Variants in TTLL8 observed in about 807,000 individuals in gnomAD.
The protein encoded by TTLL8 is protein monoglycylase TTLL8.
A neutral mutation model predicts 77.8 loss-of-function variants in TTLL8; 65 were observed. The ratio of observed to expected loss-of-function variants is 0.84; its 90% CI spans 0.68 to 1.03. The LOEUF is 1.03. Ranked by LOEUF, TTLL8 falls within the 50% of genes least tolerant of loss-of-function variation. The pLI, the probability that TTLL8 is intolerant of heterozygous loss-of-function variation, is 0.00. For synonymous variants in TTLL8, 402 were observed against 422.8 expected (o/e 0.95, Z 0.60); for missense variants, 910 against 1,004.5 (o/e 0.91, Z 1.27).
At chr22:50,037,764 T>C (rs2061346515) in intron 8 of TTLL8, among the ~76,000 whole-genome samples, 1 of 152,228 alleles carries the variant, frequency 6.6e-6, no homozygotes, top group Admixed American at 6.5e-5. Flanking sequence ...TTAACTATTG[T>C]AAACCTAGAG....
chr22:50,045,617 TG>T (rs1438388958), intron 5 of TTLL8, among the ~76,000 whole-genome samples: 1 of 152,152 alleles, frequency 6.6e-6, no homozygotes, highest in Non-Finnish European at 1.5e-5. Context: ...GAGCCGGCCT[TG>T]CCCCAGCTGC....
At chr22:50,019,555 ATGT>A (rs2146619057) in intron 12 of TTLL8, among the ~76,000 whole-genome samples, 1 of 152,114 alleles carries the variant, frequency 6.6e-6, no homozygotes, top group South Asian at 2.1e-4. Context: ...GCCAGCTGCC[ATGT>A]TGTGAGGACA....
intron 2 of TTLL8, 109 bp from the exon 5 acceptor site, chr22:50,049,431 C>T (rs1217470559): frequency 8.1e-7 from 1 of 1,230,574 alleles, no homozygotes; most frequent in Middle Eastern, 3.0e-4. Context: ...TTCCAGAAAC[C>T]TGGCTCCAGA....
chr22:50,053,586 A>C (rs542005159), intron 1 of TTLL8, among the ~76,000 whole-genome samples: 2 of 152,230 alleles, frequency 1.3e-5, no homozygotes, highest in Non-Finnish European at 2.9e-5. Context: ...ATGTTTATAC[A>C]TTTAAAGGTT....
chr22:50,044,770 T>A lies in TTLL8; in HGVS notation c.643+485A>T, dbSNP rs1846441450. On this transcript the variant is annotated intron_variant, in intron 6 of 13. Coordinates refer to ENST00000266182, the Ensembl canonical transcript of TTLL8. The surrounding 1 kb of genome is among the most constrained non-coding windows in gnomAD (Gnocchi z 4.2). ...GTGAACCTAAAACTGCTCTAGAAAT[T>A]ACATTTTATTAAAACCAACAACCAC... Among the ~76,000 whole-genome samples the A allele has an allele frequency of 6.6e-6, 1 of 152,132 alleles. No individual in the cohort carries two copies. The highest frequency in any genetic ancestry group is 1.5e-5 in the Non-Finnish European group (1 of 68,028).
rs1355009989 is a variant in TTLL8 at position 50,050,089 on chromosome 22, G to A, written c.190+20C>T. ...AGACGCACACGCCCTGAGCTGAGAC[G>A]TGCGCCTCCGATACGCTACCATTGA... On this transcript the variant is annotated intron_variant, in intron 2 of 13. Transcript: ENST00000266182. 3 of 1,364,580 alleles carry A rather than the reference G, an allele frequency of 2.2e-6. No individual in the cohort carries two copies. The highest frequency in any genetic ancestry group is 1.9e-5 in the Admixed American group (1 of 52,336). The allele number at this position is 1,364,580 out of a possible 1,614,324, so 84.5% of individuals were successfully genotyped here. A position where few individuals can be genotyped will look rare whatever the true frequency, so the allele number is the denominator to read the frequency against.
intron 1 of TTLL8, among the ~76,000 whole-genome samples, chr22:50,051,808 C>T (rs537441339): frequency 3.9e-5 from 6 of 152,172 alleles, no homozygotes; most frequent in South Asian, 2.1e-4. Context: ...CGCTTTTTCA[C>T]GTTTGTTGGC....
chr22:50,034,486 T>C lies in TTLL8; in HGVS notation c.922-24A>G. The C allele has an allele frequency of 7.3e-7, 1 of 1,362,924 alleles. No individual in the cohort carries two copies. The highest frequency in any genetic ancestry group is 9.8e-7 in the Non-Finnish European group (1 of 1,020,402). 84.4% of individuals were successfully genotyped at this position (1,362,924 alleles called of 1,614,324 possible). ...CACTGCGAAAAGTAATTTCTTGAATTGGAGATGAAAGCATCGCCACTACAA... is the reference window on the plus strand; with the variant it reads ...CACTGCGAAAAGTAATTTCTTGAATCGGAGATGAAAGCATCGCCACTACAA... On this transcript the variant is annotated intron_variant, in intron 8 of 13. Transcript: ENST00000266182. The surrounding 1 kb of genome is among the most constrained non-coding windows in gnomAD (Gnocchi z 4.1).
chr22:50,047,172 G>A (rs758388120), exon 4 of TTLL8: 3 of 1,367,484 alleles, frequency 2.2e-6, no homozygotes, highest in South Asian at 2.3e-5. Flanking sequence ...GCTCACCTTG[G>A]TGGTGAAGGA....
chr22:50,022,364 T>A (rs931218484), intron 12 of TTLL8, among the ~76,000 whole-genome samples: 1 of 144,744 alleles, frequency 6.9e-6, no homozygotes, highest in Non-Finnish European at 1.5e-5. Flanking sequence ...CTCCATCTGA[T>A]GATGTGTACT....
At chr22:50,032,803 G>C (rs573405129) in intron 10 of TTLL8, among the ~76,000 whole-genome samples, 1 of 152,186 alleles carries the variant, frequency 6.6e-6, no homozygotes, top group African/African-American at 2.4e-5. Context: ...GGGGACCCGG[G>C]TGAGGTGGGG....
In TTLL8 at chr22:50,041,848, CA is replaced by C; in HGVS notation, c.644-42del. 1 of 1,327,726 alleles carries C rather than the reference CA, an allele frequency of 7.5e-7. No individual in the cohort carries two copies. Among genetic ancestry groups the C allele is most frequent in the Non-Finnish European group, 9.9e-7 (1 of 1,006,070 alleles). 82.2% of individuals were successfully genotyped at this position (1,327,726 alleles called of 1,614,324 possible). A position where few individuals can be genotyped will look rare whatever the true frequency, so the allele number is the denominator to read the frequency against. On this transcript the variant is annotated intron_variant, in intron 6 of 13. Transcript: ENST00000266182. The surrounding 1 kb of genome is among the most constrained non-coding windows in gnomAD (Gnocchi z 4.3). ...AGGCACATGCAGTGGGAACCTCACC[CA>C]GGGGCAGCCCTGCCCGCCTCGAGGG...
chr22:50,023,988 C>T (rs1168248552), intron 12 of TTLL8, among the ~76,000 whole-genome samples: 2 of 152,224 alleles, frequency 1.3e-5, no homozygotes, highest in Middle Eastern at 3.4e-3. Flanking sequence ...TCACTGCACT[C>T]CAGCCCGGGC....
chr22:50,031,876 T>C, exon 11 of TTLL8: 5 of 1,367,302 alleles, frequency 3.7e-6, no homozygotes, highest in Non-Finnish European at 4.9e-6. Context: ...CCCGTAGAGC[T>C]CAAAGCTGTT....
In TTLL8 at chr22:50,045,837, C is replaced by A; in HGVS notation, c.508+19G>T. ...TCTCTGCTGACAGCACTGGGGCCCT[C>A]TGCCGTCTCCTCACTTACCCAGGAA... On this transcript the variant is annotated intron_variant, in intron 5 of 13. Transcript: ENST00000266182. 1 of 1,323,202 alleles carries A rather than the reference C, an allele frequency of 7.6e-7. No individual in the cohort carries two copies. The highest frequency in any genetic ancestry group is 1.5e-5 in the African/African-American group (1 of 66,852). 82.0% of individuals were successfully genotyped at this position (1,323,202 alleles called of 1,614,324 possible). A position where few individuals can be genotyped will look rare whatever the true frequency, so the allele number is the denominator to read the frequency against.
chr22:50,019,369 C>T (rs2061182401), intron 12 of TTLL8, among the ~76,000 whole-genome samples: 1 of 152,170 alleles, frequency 6.6e-6, no homozygotes, highest in South Asian at 2.1e-4. Context: ...TCCAAGGCAG[C>T]CCCCAGTGAT....
Position 50,041,809 on chromosome 22 carries a change from T to C in TTLL8, c.644-2A>G, listed in dbSNP as rs765176944. On this transcript the variant is annotated splice_acceptor_variant, in intron 6 of 13. Transcript: ENST00000266182. LOFTEE classifies it high-confidence loss of function. The surrounding 1 kb of genome is among the most constrained non-coding windows in gnomAD (Gnocchi z 4.3). ...GCTTTGCCTCAGCATTTTCAGCATC[T>C]GAAACCCAGACACAGGCACATGCAG... The C allele has an allele frequency of 2.2e-6, 3 of 1,359,652 alleles. No individual in the cohort carries two copies. The highest frequency in any genetic ancestry group is 4.6e-5 in the East Asian group (1 of 21,786). The allele number at this position is 1,359,652 out of a possible 1,614,324, so 84.2% of individuals were successfully genotyped here.
chr22:50,056,955 C>T (rs919083840), upstream of TTLL8: 1 of 1,289,704 alleles, frequency 7.8e-7, no homozygotes, highest in Middle Eastern at 2.1e-4. The surrounding 1 kb of genome is among the most constrained non-coding windows in gnomAD (Gnocchi z 4.1). Context: ...CGACAGCTTG[C>T]CCTTTGCTCC....
chr22:50,022,421 A>G (rs1601903805), intron 12 of TTLL8, among the ~76,000 whole-genome samples: 2 of 141,056 alleles, frequency 1.4e-5, no homozygotes, highest in Admixed American at 1.4e-4. Flanking sequence ...GCACTCCTCC[A>G]TCTGACAATG....
Sources: gnomAD v4.1 joint callset for allele counts (sites outside exome capture counted in the v4.1 genomes callset) on GRCh38, gnomAD v4.1.1 for gene constraint, Gnocchi (gnomAD v3.1) non-coding constraint, MANE v1.5 for transcripts, NCBI Gene and HGNC (gene_info 2026-07-23, HGNC 2026-07-21) for gene names.